Variants in PABPC1 observed in about 807,000 individuals in gnomAD.
The protein encoded by PABPC1 is polyadenylate-binding protein 1.
Under a neutral mutation model 74.0 loss-of-function variants are expected in PABPC1, and 4 were observed. That is an observed-to-expected ratio of 0.05 (90% CI 0.03 to 0.12). PABPC1 has a LOEUF of 0.12. Ranked by LOEUF, PABPC1 falls within the 10% of genes least tolerant of loss-of-function variation. PABPC1 has a pLI of 1.00. For synonymous variants in PABPC1, 227 were observed against 264.1 expected (o/e 0.86, Z 1.36); for missense variants, 271 against 821.1 (o/e 0.33, Z 8.19).
At chr8:100,703,765 T>G (rs1383377043) in intron 14 of PABPC1, among the ~76,000 whole-genome samples, 1 of 152,086 alleles carries the variant, frequency 6.6e-6, no homozygotes, top group East Asian at 1.9e-4. Flanking sequence ...CTATACAAAA[T>G]CTGGCAGGGC....
intron 7 of PABPC1, among the ~76,000 whole-genome samples, chr8:100,711,760 G>A (rs1400673169): frequency 2.6e-5 from 4 of 152,006 alleles, no homozygotes; most frequent in Non-Finnish European, 5.9e-5. Context: ...CAGCCACAGC[G>A]TCATTCCAGT....
chr8:100,712,020 G>A (rs1278954860), intron 7 of PABPC1, among the ~76,000 whole-genome samples: 1 of 152,166 alleles, frequency 6.6e-6, no homozygotes, highest in Admixed American at 6.5e-5. Flanking sequence ...GAGGGAACTG[G>A]GGCTTGACTA....
intron 13 of PABPC1, 117 bp downstream of exon 13, chr8:100,704,809 T>A (rs1810338907): frequency 9.6e-7 from 1 of 1,041,184 alleles, no homozygotes; most frequent in Non-Finnish European, 1.4e-6. Context: ...TATGCAGACT[T>A]TACAACTGTA....
At position 100,713,223 on chromosome 8, in the gene PABPC1, C is replaced by T. The variant is rs182431581; in HGVS notation, c.644-42G>A. 3 of 1,187,230 alleles carry T rather than the reference C, an allele frequency of 2.5e-6. No homozygotes were observed. The East Asian group carries it at 7.4e-5, about 29-fold the overall frequency. 73.5% of individuals were successfully genotyped at this position (1,187,230 alleles called of 1,614,324 possible). On this transcript the variant is annotated intron_variant, in intron 4 of 14. Transcript: ENST00000318607. ...CATAAATCAAAGATATTCCATACAA[C>T]ATTCACGTTATACATTTCAAATTTC...
At chr8:100,711,706 C>T (rs914663778) in intron 7 of PABPC1, among the ~76,000 whole-genome samples, 2 of 152,242 alleles carry the variant, frequency 1.3e-5, no homozygotes, top group African/African-American at 4.8e-5. Context: ...CTCACTCTCA[C>T]AGAAGCTTCC....
intron 9 of PABPC1, chr8:100,707,340 G>A (rs1458931432): frequency 4.7e-5 from 13 of 277,628 alleles, no homozygotes; most frequent in South Asian, 4.1e-4. Flanking sequence ...ACCAAGACGC[G>A]GAGACCAGTA....
intron 11 of PABPC1, among the ~76,000 whole-genome samples, chr8:100,706,416 T>A (rs977357330): frequency 6.6e-6 from 1 of 152,086 alleles, no homozygotes; most frequent in Non-Finnish European, 1.5e-5. Context: ...GCCTCAGCCT[T>A]CCTAGCAGCT....
intron 1 of PABPC1, among the ~76,000 whole-genome samples, chr8:100,719,790 C>T (rs1563616942): frequency 6.6e-6 from 1 of 152,174 alleles, no homozygotes; most frequent in African/African-American, 2.4e-5. Context: ...AATTCATTCC[C>T]ATGTTTTCTC....
At chr8:100,706,512 C>G in intron 11 of PABPC1, 139 bp downstream of exon 11, 1 of 638,978 alleles carries the variant, frequency 1.6e-6, no homozygotes, top group Non-Finnish European at 2.7e-6. Context: ...GTCCCAAACT[C>G]CTGGTCTCAA....
intron 11 of PABPC1, 87 bp downstream of exon 11, chr8:100,706,564 G>T: frequency 1.7e-6 from 2 of 1,204,240 alleles, no homozygotes; most frequent in Non-Finnish European, 1.2e-6. Flanking sequence ...TGGGGTTATA[G>T]GTGTGAGCCA....
intron 1 of PABPC1, among the ~76,000 whole-genome samples, chr8:100,720,605 G>A (rs752545109): frequency 4.6e-5 from 7 of 152,210 alleles, no homozygotes; most frequent in East Asian, 1.9e-4. Flanking sequence ...GTGAATCTAA[G>A]ATAAAATTTG....
chr8:100,713,005 G>T, intron 5 of PABPC1, 82 bp downstream of exon 5: 1 of 1,061,734 alleles, frequency 9.4e-7, no homozygotes, highest in Non-Finnish European at 1.4e-6. Flanking sequence ...ATGTCAAATA[G>T]CTATTAGTAT....
chr8:100,712,972 C>T (rs970633424), intron 5 of PABPC1, 115 bp downstream of exon 5: 24 of 1,029,516 alleles, frequency 2.3e-5, no homozygotes, highest in Admixed American at 1.5e-4. Context: ...GCATAAAATG[C>T]AAATAACTGA....
At position 100,712,808 on chromosome 8, in the gene PABPC1, G is replaced by GAA. The variant is rs60596898; in HGVS notation, c.739-21_739-20dup. 0.3 allele frequency: 404,705 copies of GAA among 1,343,962 alleles called. 23,529 individuals carry two copies. The highest frequency in any genetic ancestry group is 0.43 in the African/African-American group (28,957 of 66,776). 83.3% of individuals were successfully genotyped at this position (1,343,962 alleles called of 1,614,324 possible). A position where few individuals can be genotyped will look rare whatever the true frequency, so the allele number is the denominator to read the frequency against. On this transcript the variant is annotated intron_variant, in intron 5 of 14. Transcript: ENST00000318607. ...CCACAGCCTTCCCCCCAAAAAAAAA[G>GAA]AAAAAAAAAAAATCACAAAACTTTC...
chr8:100,715,039 C>A (rs938021825), intron 4 of PABPC1, among the ~76,000 whole-genome samples: 1 of 150,624 alleles, frequency 6.6e-6, no homozygotes, highest in African/African-American at 2.5e-5. Context: ...TTAGACTGAC[C>A]AGCTTTATTG....
At position 100,721,205 on chromosome 8, in the gene PABPC1, C is replaced by A. The variant is rs1166311301; in HGVS notation, c.193+186G>T. ...AAGTAGCCGGGCGTGTGGCTGCCGG[C>A]AGCGCGGGTCCCCGCCGGCTCGGGA... On this transcript the variant is annotated intron_variant, in intron 1 of 14. Coordinates refer to ENST00000318607, the MANE Select transcript of PABPC1 (RefSeq NM_002568.4). This position sits in a 1 kb window ranked among gnomAD's most constrained non-coding sequence, Gnocchi z 7.4. Among the ~76,000 whole-genome samples the A allele has an allele frequency of 1.3e-5, 2 of 151,922 alleles. No individual in the cohort carries two copies. Among genetic ancestry groups the A allele is most frequent in the Admixed American group, 1.3e-4 (2 of 15,268 alleles).
At chr8:100,705,711 G>C in intron 11 of PABPC1, 38 bp from the exon 12 acceptor site, 1 of 1,330,666 alleles carries the variant, frequency 7.5e-7, no homozygotes, top group Non-Finnish European at 1.1e-6. Flanking sequence ...TTAAAGCACA[G>C]AAAAAGATGG....
chr8:100,719,768 T>G (rs1046277708), intron 1 of PABPC1, among the ~76,000 whole-genome samples: 10 of 152,242 alleles, frequency 6.6e-5, no homozygotes, highest in African/African-American at 2.4e-4. Flanking sequence ...GTTTTCATTT[T>G]GTGGTCTCTA....
At chr8:100,712,234 A>G (rs1810546788) in intron 7 of PABPC1, 128 bp downstream of exon 7, 1 of 590,400 alleles carries the variant, frequency 1.7e-6, no homozygotes, top group Non-Finnish European at 3.0e-6. Flanking sequence ...TCAAATGTGA[A>G]TTTAAGTTTT....
Sources: allele counts gnomAD v4.1 joint callset (sites outside exome capture counted in the v4.1 genomes callset), GRCh38; gene constraint gnomAD v4.1.1; non-coding constraint Gnocchi (gnomAD v3.1); transcripts MANE v1.5; gene names NCBI Gene and HGNC (gene_info 2026-07-23, HGNC 2026-07-21).